C2CD5: variants seen among roughly 807,000 people sequenced by gnomAD.
The protein encoded by C2CD5 is C2 domain-containing protein 5.
Under a neutral mutation model 130.3 loss-of-function variants are expected in C2CD5, and 109 were observed. The ratio of observed to expected loss-of-function variants is 0.84; its 90% CI spans 0.72 to 0.98. The LOEUF (loss-of-function observed/expected upper bound fraction) is 0.98. Ranked by LOEUF, C2CD5 falls within the 50% of genes least tolerant of loss-of-function variation. The pLI, the probability that C2CD5 is intolerant of heterozygous loss-of-function variation, is 0.00. For missense variants in C2CD5, 996 were observed against 1,261.8 expected (o/e 0.79, Z 3.19); for synonymous variants, 454 against 429.2 (o/e 1.06, Z -0.71).
intron 14 of C2CD5, among the ~76,000 whole-genome samples, chr12:22,481,922 G>A (rs956900955): frequency 4.7e-5 from 7 of 150,474 alleles, no homozygotes; most frequent in African/African-American, 1.5e-4. Flanking sequence ...GTGAGCCAAC[G>A]CACCTGGCCA....
intron 3 of C2CD5, among the ~76,000 whole-genome samples, chr12:22,533,614 A>G (rs1951525805): frequency 1.3e-5 from 2 of 152,160 alleles, no homozygotes; most frequent in Admixed American, 6.5e-5. Flanking sequence ...TCCTAAGAAG[A>G]GCACAAGAGG....
rs2137045655 is a variant in C2CD5, at chr12:22,524,512, T to C, written c.561A>G (p.Ala187=). Residue 187 remains alanine (A), a synonymous_variant, in exon 6 of 27, where the codon GCA becomes GCG. Coordinates refer to ENST00000446597, the MANE Select transcript of C2CD5 (RefSeq NM_001286176.2). ...QWIDRIRTPR[A]SNEARQRLIS... ...TGAGTCTCTGTCTGGCCTCATTTGA[T>C]GCCCTTGGTGTGCGAATTCGATCAA... 6.2e-7 allele frequency: 1 copy of C among 1,614,042 alleles called. No homozygotes were observed.
rs1392917149 is a variant in C2CD5, at chr12:22,544,327, G to C, written c.-37C>G. 5 of 530,858 alleles carry C rather than the reference G, an allele frequency of 9.4e-6. No homozygotes were observed. Among genetic ancestry groups the C allele is most frequent in the Non-Finnish European group, 1.6e-5 (5 of 306,938 alleles). The allele number at this position is 530,858 out of a possible 1,614,324, so 32.9% of individuals were successfully genotyped here. ...CCACGGGTCGCCACTCACTGTCGCA[G>C]GAGGAAGGGTGCTGTCCCGCGCGGG... On this transcript the variant is annotated 5_prime_UTR_variant, in exon 1 of 27. Transcript: ENST00000446597.
chr12:22,528,999 A>G (rs2137115865), intron 3 of C2CD5, among the ~76,000 whole-genome samples: 1 of 152,314 alleles, frequency 6.6e-6, no homozygotes, highest in East Asian at 1.9e-4. Flanking sequence ...GTCCTCCTTT[A>G]TAAGAGGTAT....
intron 2 of C2CD5, among the ~76,000 whole-genome samples, chr12:22,540,612 A>T: frequency 6.6e-6 from 1 of 152,204 alleles, no homozygotes; most frequent in East Asian, 1.9e-4. Context: ...TAATCCCAGC[A>T]CTTTGGGAGA....
chr12:22,451,629 C>T (rs989148141), intron 26 of C2CD5, among the ~76,000 whole-genome samples: 4 of 151,784 alleles, frequency 2.6e-5, no homozygotes, highest in Non-Finnish European at 1.5e-5. Flanking sequence ...AGTTTTTTAG[C>T]CCTCAGTTTT....
chr12:22,449,925 T>C (rs1049868557), intron 26 of C2CD5, 34 bp from the exon 27 acceptor site: 5 of 1,565,210 alleles, frequency 3.2e-6, no homozygotes, highest in Non-Finnish European at 3.5e-6. Flanking sequence ...GGTTCAGTTA[T>C]ACTCAACACA....
At chr12:22,520,979 G>T (rs1413777956) in intron 7 of C2CD5, among the ~76,000 whole-genome samples, 1 of 152,042 alleles carries the variant, frequency 6.6e-6, no homozygotes, top group African/African-American at 2.4e-5. Flanking sequence ...ATGTACTCTT[G>T]GAGTTTTCTG....
chr12:22,458,467 T>C lies in C2CD5; in HGVS notation c.2686+17A>G, dbSNP rs945338155. 5.3e-6 allele frequency: 6 copies of C among 1,140,772 alleles called. No individual in the cohort carries two copies. Among genetic ancestry groups the C allele is most frequent in the African/African-American group, 1.6e-5 (1 of 62,736 alleles). The allele number at this position is 1,140,772 out of a possible 1,614,324, so 70.7% of individuals were successfully genotyped here. On this transcript the variant is annotated intron_variant, in intron 24 of 26. Coordinates refer to ENST00000446597, the MANE Select transcript of C2CD5 (RefSeq NM_001286176.2). Reference sequence around the variant, plus strand: ...TGTTTCTCAGATTATCATAATGTGGTAGAAACATCCGCCTACTTGTCTTAA... The same window carrying C: ...TGTTTCTCAGATTATCATAATGTGGCAGAAACATCCGCCTACTTGTCTTAA...
At chr12:22,505,301 A>T (rs1591888432) in intron 10 of C2CD5, among the ~76,000 whole-genome samples, 1 of 126,584 alleles carries the variant, frequency 7.9e-6, no homozygotes, top group Admixed American at 9.7e-5. Context: ...CTTGTCGCCC[A>T]GGCTGGAGTG....
chr12:22,512,508 TAAA>T, intron 9 of C2CD5: 1 of 526,920 alleles, frequency 1.9e-6, no homozygotes, highest in Non-Finnish European at 3.2e-6. Context: ...TGCTATTAAA[TAAA>T]AAAAAAACTT....
At chr12:22,517,091 CTTCTT>C (rs1175818390) in intron 8 of C2CD5, among the ~76,000 whole-genome samples, 2 of 151,824 alleles carry the variant, frequency 1.3e-5, no homozygotes, top group Non-Finnish European at 2.9e-5. Context: ...TGGATTTAGA[CTTCTT>C]TTCCTTGTTT....
chr12:22,493,639 TATG>T (rs144852136), intron 10 of C2CD5, among the ~76,000 whole-genome samples: 1 of 152,240 alleles, frequency 6.6e-6, no homozygotes, highest in African/African-American at 2.4e-5. Context: ...TAATCTTAGC[TATG>T]ATTAGAATTT....
chr12:22,500,456 A>T (rs1377754498), intron 10 of C2CD5, among the ~76,000 whole-genome samples: 1 of 152,186 alleles, frequency 6.6e-6, no homozygotes, highest in Non-Finnish European at 1.5e-5. Context: ...TGATTCTCCC[A>T]TCTATCCTTC....
At chr12:22,482,864 G>A in intron 13 of C2CD5, 121 bp from the exon 14 acceptor site, 2 of 691,520 alleles carry the variant, frequency 2.9e-6, no homozygotes, top group South Asian at 3.5e-5. Flanking sequence ...TGGGCTTACT[G>A]AGTTATATCA....
At chr12:22,534,263 C>T (rs1045771937) in intron 3 of C2CD5, among the ~76,000 whole-genome samples, 2 of 152,124 alleles carry the variant, frequency 1.3e-5, no homozygotes, top group African/African-American at 4.8e-5. Flanking sequence ...CCATGACCTA[C>T]ATATAGGAAT....
chr12:22,479,997 TGAA>T (rs755275543), intron 14 of C2CD5, among the ~76,000 whole-genome samples: 19 of 152,194 alleles, frequency 1.2e-4, no homozygotes, highest in Non-Finnish European at 2.5e-4. Context: ...AAGGGATTGA[TGAA>T]GAAATCTGCA....
chr12:22,517,210 C>T (rs1949819955), intron 8 of C2CD5, among the ~76,000 whole-genome samples: 1 of 151,708 alleles, frequency 6.6e-6, no homozygotes, highest in Admixed American at 6.6e-5. Context: ...TTTTAATCAT[C>T]TGATGGGAAA....
At position 22,472,326 on chromosome 12, in the gene C2CD5, T is replaced by G; in HGVS notation, c.2129A>C (p.Glu710Ala). The G allele has an allele frequency of 1.3e-6, 2 of 1,493,434 alleles. No individual in the cohort carries two copies. Among genetic ancestry groups the G allele is most frequent in the Non-Finnish European group, 1.8e-6 (2 of 1,088,050 alleles). The allele number at this position is 1,493,434 out of a possible 1,614,324, so 92.5% of individuals were successfully genotyped here. The change falls in exon 18 of 27, where the codon GAA becomes GCA. Residue 710 changes from glutamate (E) to alanine (A), a missense_variant. This residue lies in a region of C2CD5 where 590 missense variants were observed against 631.4 expected (regional missense o/e 0.93). Transcript: ENST00000446597. ...CCAATTATTTATACCGGGCATAATT[T>G]CTGTATTACAACTATAAAAGCCTGT... Reference protein sequence around the residue: ...PPSGFYSCNTEIMPGINNWTS... With the variant: ...PPSGFYSCNTAIMPGINNWTS...
Sources: gnomAD v4.1 joint callset for allele counts (sites outside exome capture counted in the v4.1 genomes callset) on GRCh38, gnomAD v4.1.1 for gene constraint, gnomAD v4.1.1 regional missense constraint, MANE v1.5 for transcripts, NCBI Gene and HGNC (gene_info 2026-07-23, HGNC 2026-07-21) for gene names.